The following GSK3B variants were observed in gnomAD, a reference collection of about 807,000 sequenced individuals.
GSK3B encodes glycogen synthase kinase 3 beta.
GSK3B carries 15 observed loss-of-function variants against 56.4 expected under a neutral mutation model. That is an observed-to-expected ratio of 0.27 (90% confidence interval 0.18 to 0.41). The LOEUF (loss-of-function observed/expected upper bound fraction) is 0.41. Ranked by LOEUF, GSK3B falls within the 10% of genes least tolerant of loss-of-function variation. GSK3B has a pLI of 1.00. For synonymous variants in GSK3B, 181 were observed against 188.9 expected, an observed-to-expected ratio of 0.96 and a Z score of 0.34; for missense variants, 300 against 513.4, an observed-to-expected ratio of 0.58 and a Z score of 4.02.
intron 1 of GSK3B, among the ~76,000 whole-genome samples, chr3:120,038,191 C>T (rs2058037811): frequency 1.3e-5 from 2 of 152,162 alleles, no homozygotes; most frequent in Non-Finnish European, 2.9e-5. Flanking sequence ...TTTTTAAAGG[C>T]ATAATATGAA....
chr3:119,971,014 C>T (rs1306341523), intron 2 of GSK3B, among the ~76,000 whole-genome samples: 1 of 152,080 alleles, frequency 6.6e-6, no homozygotes, highest in Non-Finnish European at 1.5e-5. Flanking sequence ...GCATAGATTC[C>T]ACTGTATGAT....
intron 9 of GSK3B, among the ~76,000 whole-genome samples, chr3:119,857,618 T>G (rs945326864): frequency 3.9e-5 from 6 of 152,228 alleles, no homozygotes; most frequent in Non-Finnish European, 8.8e-5. Flanking sequence ...CTTGAGCCCC[T>G]CAGAGTTATC....
intron 1 of GSK3B, among the ~76,000 whole-genome samples, chr3:120,044,315 T>C (rs183235454): frequency 6.6e-6 from 1 of 152,278 alleles, no homozygotes; most frequent in East Asian, 1.9e-4. Context: ...ACAGTGAGCT[T>C]AGGCCCTTCC....
At chr3:120,025,764 G>A (rs568387761) in intron 1 of GSK3B, among the ~76,000 whole-genome samples, 4 of 152,240 alleles carry the variant, frequency 2.6e-5, no homozygotes, top group South Asian at 2.1e-4. Flanking sequence ...AACCTAAAAG[G>A]CAGGTTGGGG....
chr3:119,914,842 T>C (rs2056765761), intron 5 of GSK3B, among the ~76,000 whole-genome samples: 1 of 152,072 alleles, frequency 6.6e-6, no homozygotes, highest in Non-Finnish European at 1.5e-5. Context: ...AACTGTGAAT[T>C]GATGTAAAAG....
At chr3:119,903,409 G>C (rs776323606) in intron 7 of GSK3B, among the ~76,000 whole-genome samples, 13 of 152,156 alleles carry the variant, frequency 8.5e-5, no homozygotes, top group Non-Finnish European at 1.9e-4. Flanking sequence ...CAAGATGACA[G>C]CATAGCACAT....
chr3:119,860,490 A>T (rs909110442), intron 9 of GSK3B, among the ~76,000 whole-genome samples: 11 of 152,338 alleles, frequency 7.2e-5, no homozygotes, highest in African/African-American at 2.2e-4. Flanking sequence ...TGTCCATCTC[A>T]TATCTGTTCA....
intron 4 of GSK3B, among the ~76,000 whole-genome samples, chr3:119,919,461 C>T (rs2056814541): frequency 7.0e-6 from 1 of 142,198 alleles, no homozygotes. Context: ...TCGATGTCCC[C>T]AAAGAATAAT....
chr3:120,062,050 C>T (rs2058241769), intron 1 of GSK3B, among the ~76,000 whole-genome samples: 1 of 152,096 alleles, frequency 6.6e-6, no homozygotes, highest in South Asian at 2.1e-4. Flanking sequence ...ATTTATTATC[C>T]TTTAGCAACA....
At chr3:120,077,322 G>C (rs1319196153) in intron 1 of GSK3B, among the ~76,000 whole-genome samples, 1 of 152,016 alleles carries the variant, frequency 6.6e-6, no homozygotes, top group Non-Finnish European at 1.5e-5. Context: ...ATATATATAT[G>C]TGTGTGTGTA....
intron 1 of GSK3B, among the ~76,000 whole-genome samples, chr3:120,045,733 A>G (rs1384596327): frequency 6.6e-6 from 1 of 152,222 alleles, no homozygotes; most frequent in East Asian, 1.9e-4. Flanking sequence ...TTCACTTTGC[A>G]GCACCAAGCA....
Position 120,093,756 on chromosome 3 carries a change from G to A in GSK3B, c.-322C>T, listed in dbSNP as rs1468790271. The A allele has an allele frequency of 3.4e-6, 1 of 290,878 alleles. No individual in the cohort carries two copies. The allele number at this position is 290,878 out of a possible 1,614,324, so 18.0% of individuals were successfully genotyped here. The stretch of plus-strand genomic sequence containing the variant: ...CAAATCCTAAAAAAATATGTATCAC[G>A]TGAAACGGGGGCAAATACTTGATTG... On this transcript the variant is annotated 5_prime_UTR_variant, in exon 1 of 11. It adds an upstream start codon to the 5' untranslated region. Transcript: ENST00000264235.
rs145875962 is a variant in GSK3B at position 119,894,544 on chromosome 3, T to C, written c.813+11211A>G. Among the ~76,000 whole-genome samples the C allele has an allele frequency of 1.7e-3, 257 of 152,292 alleles. 1 individual carries two copies. Among genetic ancestry groups the C allele is most frequent in the African/African-American group, 6.0e-3 (250 of 41,570 alleles). ...TCTTTTTGTATGCTTACTGGCCATT[T>C]GTGTATCTTCTTTAGAGAAGTGTCT... On this transcript the variant is annotated intron_variant, in intron 7 of 10. Coordinates refer to ENST00000264235, the MANE Select transcript of GSK3B (RefSeq NM_001146156.2).
chr3:119,919,334 C>A (rs2056813086), intron 4 of GSK3B, among the ~76,000 whole-genome samples: 1 of 152,042 alleles, frequency 6.6e-6, no homozygotes, highest in South Asian at 2.1e-4. Context: ...CTCTCACAAT[C>A]TAACATTTTT....
chr3:119,940,316 C>G (rs1021560113), intron 3 of GSK3B, among the ~76,000 whole-genome samples: 1 of 152,066 alleles, frequency 6.6e-6, no homozygotes, highest in Non-Finnish European at 1.5e-5. Flanking sequence ...ACCATTCATA[C>G]TCAAATTGAT....
intron 1 of GSK3B, among the ~76,000 whole-genome samples, chr3:120,008,379 AC>A (rs2057747669): frequency 6.6e-6 from 1 of 152,244 alleles, no homozygotes; most frequent in Non-Finnish European, 1.5e-5. Context: ...ATATGGAAAC[AC>A]AAAAGAGCCT....
intron 2 of GSK3B, among the ~76,000 whole-genome samples, chr3:119,965,243 T>C (rs568929889): frequency 6.2e-4 from 93 of 150,612 alleles, no homozygotes; most frequent in African/African-American, 2.1e-3. Context: ...TTTTTTTTTT[T>C]AGTAGAGACG....
chr3:119,888,893 G>A (rs1398109537), intron 7 of GSK3B, among the ~76,000 whole-genome samples: 4 of 152,004 alleles, frequency 2.6e-5, no homozygotes, highest in African/African-American at 7.2e-5. Context: ...CTGGTCTCCT[G>A]CAGTACCCTC....
chr3:120,070,067 G>A (rs2058313890), intron 1 of GSK3B, among the ~76,000 whole-genome samples: 2 of 152,046 alleles, frequency 1.3e-5, no homozygotes, highest in Admixed American at 1.3e-4. Context: ...ACAAAAATTA[G>A]CTGGGTGTGG....
Sources: gnomAD v4.1 joint callset for allele counts (sites outside exome capture counted in the v4.1 genomes callset) on GRCh38, gnomAD v4.1.1 for gene constraint, MANE v1.5 for transcripts, NCBI Gene and HGNC (gene_info 2026-07-23, HGNC 2026-07-21) for gene names.